FAM3B: variants seen among roughly 807,000 people sequenced by gnomAD.
The protein encoded by FAM3B is FAM3 metabolism regulating signaling molecule B, also known as protein FAM3B.
Under a neutral mutation model 28.4 loss-of-function variants are expected in FAM3B, and 29 were observed. The observed-to-expected ratio is 1.02, with a 90% CI of 0.76 to 1.39. FAM3B has a LOEUF of 1.39. Ranked by LOEUF, FAM3B falls within the 40% of genes most tolerant of loss-of-function variation. The pLI is 0.00. For synonymous variants in FAM3B, 91 were observed against 103.0 expected (o/e 0.88, Z 0.71); for missense variants, 266 against 293.9 (o/e 0.91, Z 0.69).
chr21:41,318,688 A>T (rs1568911105), intron 1 of FAM3B, among the ~76,000 whole-genome samples: 1 of 152,134 alleles, frequency 6.6e-6, no homozygotes, highest in African/African-American at 2.4e-5. Context: ...CTGAATACAT[A>T]TTGGTAAGAC....
intron 5 of FAM3B, 54 bp downstream of exon 5, chr21:41,345,790 A>G: frequency 8.9e-7 from 1 of 1,125,544 alleles, no homozygotes; most frequent in Non-Finnish European, 1.3e-6. Flanking sequence ...GAAAATTAAG[A>G]TTAAAAAGCA....
intron 7 of FAM3B, among the ~76,000 whole-genome samples, chr21:41,350,491 C>A (rs2089107669): frequency 6.6e-6 from 1 of 152,204 alleles, no homozygotes; most frequent in Non-Finnish European, 1.5e-5. Flanking sequence ...AGAGTGGAGT[C>A]CTGTAACCCA....
intron 1 of FAM3B, among the ~76,000 whole-genome samples, chr21:41,318,631 C>A (rs2088772366): frequency 6.6e-6 from 1 of 152,166 alleles, no homozygotes; most frequent in African/African-American, 2.4e-5. Flanking sequence ...TCTCTCCTGG[C>A]CTCTCAAGTA....
In FAM3B at chr21:41,346,998, T is replaced by G; in HGVS notation, c.398-15T>G. 6.2e-7 allele frequency: 1 copy of G among 1,613,512 alleles called. No homozygotes were observed. The highest frequency in any genetic ancestry group is 1.1e-5 in the South Asian group (1 of 91,076). On this transcript the variant is annotated splice_polypyrimidine_tract_variant and intron_variant, in intron 5 of 7. Transcript: ENST00000357985. The stretch of plus-strand genomic sequence containing the variant: ...AACAGCAAAGACCCTAAAACTGACT[T>G]GCATCCCCCAATAGATAACTCTGGA...
chr21:41,353,187 G>A (rs950818388), intron 7 of FAM3B, among the ~76,000 whole-genome samples: 18 of 152,216 alleles, frequency 1.2e-4, no homozygotes, highest in African/African-American at 4.3e-4. Flanking sequence ...GATATTCCAT[G>A]TTCATGGGTC....
intron 3 of FAM3B, 97 bp from the exon 4 acceptor site, chr21:41,344,379 C>A: frequency 1.8e-6 from 2 of 1,103,516 alleles, no homozygotes; most frequent in Non-Finnish European, 2.8e-6. Context: ...AGGTGGGGGA[C>A]AGCAGATGAG....
chr21:41,315,698 GT>G (rs1478058980), upstream of FAM3B, among the ~76,000 whole-genome samples: 1 of 152,102 alleles, frequency 6.6e-6, no homozygotes, highest in Non-Finnish European at 1.5e-5. Flanking sequence ...CTGTCTTCTG[GT>G]CCCTCTGGTT....
Position 41,311,275 on chromosome 21 carries a change from T to A in FAM3B, n.99+6965T>A, listed in dbSNP as rs1162035155. 6.8e-3 allele frequency among the ~76,000 whole-genome samples: 532 copies of A among 78,244 alleles called. 19 individuals carry two copies. Among genetic ancestry groups the A allele is most frequent in the Non-Finnish European group, 8.0e-3 (343 of 43,050 alleles). The allele number at this position is 78,244 out of a possible 152,430, so 51.3% of individuals were successfully genotyped here. A position where few individuals can be genotyped will look rare whatever the true frequency, so the allele number is the denominator to read the frequency against. On this transcript the variant is annotated intron_variant and non_coding_transcript_variant, in intron 1 of 9. Coordinates refer to the FAM3B transcript ENST00000479810. ...AAATATATATATATATATATATATA[T>A]ATATATATATATATATATATATGTA...
chr21:41,327,663 T>C (rs1319737053), intron 2 of FAM3B, among the ~76,000 whole-genome samples: 2 of 152,272 alleles, frequency 1.3e-5, no homozygotes, highest in Non-Finnish European at 2.9e-5. Flanking sequence ...CATACCCTCA[T>C]GGTGGGGATC....
chr21:41,330,437 A>G (rs1389552045), intron 2 of FAM3B, among the ~76,000 whole-genome samples: 1 of 152,234 alleles, frequency 6.6e-6, no homozygotes, highest in Non-Finnish European at 1.5e-5. Context: ...TCCACTCGGC[A>G]TCTTGGAATG....
At chr21:41,318,294 C>T (rs1033145006) in intron 1 of FAM3B, among the ~76,000 whole-genome samples, 1 of 152,160 alleles carries the variant, frequency 6.6e-6, no homozygotes, top group Non-Finnish European at 1.5e-5. Flanking sequence ...TTGCCCTGGA[C>T]GCTTCTGTCC....
chr21:41,335,098 G>T (rs751229662), intron 2 of FAM3B, among the ~76,000 whole-genome samples: 5 of 152,138 alleles, frequency 3.3e-5, no homozygotes, highest in Admixed American at 6.5e-5. Flanking sequence ...TACCTCCATT[G>T]TGTCTTGGAA....
upstream of FAM3B, chr21:41,316,666 G>A: frequency 3.2e-6 from 1 of 316,124 alleles, no homozygotes; most frequent in East Asian, 4.5e-5. Flanking sequence ...GGCACAGCCC[G>A]GGGCACAGCC....
chr21:41,343,963 T>G (rs183804997), intron 3 of FAM3B, among the ~76,000 whole-genome samples: 119 of 152,078 alleles, frequency 7.8e-4, no homozygotes, highest in African/African-American at 2.6e-3. Context: ...ACAAAAAAAT[T>G]TTTAAAATTA....
chr21:41,353,694 A>T (rs1277604071), intron 7 of FAM3B, among the ~76,000 whole-genome samples: 2 of 152,260 alleles, frequency 1.3e-5, no homozygotes, highest in Admixed American at 6.5e-5. Context: ...AATGGCTAAC[A>T]CTATTAAACT....
intron 1 of FAM3B, among the ~76,000 whole-genome samples, chr21:41,311,798 G>A (rs1422876412): frequency 2.0e-5 from 3 of 152,144 alleles, no homozygotes; most frequent in Non-Finnish European, 4.4e-5. Flanking sequence ...AGATAATTGT[G>A]TGTATTAGTC....
intron 6 of FAM3B, among the ~76,000 whole-genome samples, chr21:41,347,668 G>A (rs754318774): frequency 4.0e-5 from 6 of 149,342 alleles, no homozygotes; most frequent in Non-Finnish European, 7.4e-5. Context: ...CAGGAGAATC[G>A]CTTGAACCCA....
rs528997691 is a variant in FAM3B at position 41,310,590 on chromosome 21, T to C, written n.99+6280T>C. ...AGGACCTGTACTTCCACTAAGGTGC[T>C]CTGTCTGGGTTTCTGGCCCTTCCAA... On this transcript the variant is annotated intron_variant and non_coding_transcript_variant, in intron 1 of 9. Coordinates refer to the FAM3B transcript ENST00000479810. Among the ~76,000 whole-genome samples, 9 of 152,332 alleles carry C rather than the reference T, an allele frequency of 5.9e-5. No individual in the cohort carries two copies. The South Asian group carries it at 1.0e-3, about 18-fold the overall frequency.
chr21:41,319,995 A>G (rs139083146), intron 1 of FAM3B: 1 of 152,320 alleles, frequency 6.6e-6, no homozygotes, highest in Non-Finnish European at 1.5e-5. Flanking sequence ...GAGGACACCC[A>G]CAGAGGCCCT....
Sources: allele counts gnomAD v4.1 joint callset (sites outside exome capture counted in the v4.1 genomes callset), GRCh38; gene constraint gnomAD v4.1.1; transcripts MANE v1.5; gene names NCBI Gene and HGNC (gene_info 2026-07-23, HGNC 2026-07-21).